Variants in AKAP19 observed in about 807,000 individuals in gnomAD.
AKAP19 encodes small A-kinase anchoring protein.
At chr2:190,132,700 G>A in the AKAP19 span, among the ~76,000 whole-genome samples, 4 of 151,960 alleles carry the variant, frequency 2.6e-5, no homozygotes, top group Non-Finnish European at 5.9e-5. Flanking sequence ...AACACAGGGG[G>A]AAAGCTCTAT....
At chr2:189,923,945 A>G in the AKAP19 span, 1 of 1,610,918 alleles carries the variant, frequency 6.2e-7, no homozygotes, top group East Asian at 2.2e-5. Context: ...CCTGGAAAAA[A>G]TTGAAAAGGA....
the AKAP19 span, among the ~76,000 whole-genome samples, chr2:189,935,732 A>G: frequency 2.0e-5 from 3 of 152,236 alleles, no homozygotes; most frequent in Middle Eastern, 0.01. Flanking sequence ...AAATCTTCAC[A>G]TTTCACATAC....
the AKAP19 span, among the ~76,000 whole-genome samples, chr2:189,907,848 A>G: frequency 2.0e-5 from 3 of 152,134 alleles, no homozygotes; most frequent in Non-Finnish European, 4.4e-5. Flanking sequence ...ACTTATTGGC[A>G]TACAATTGTT....
At chr2:189,974,136 T>C in the AKAP19 span, among the ~76,000 whole-genome samples, 1 of 152,202 alleles carries the variant, frequency 6.6e-6, no homozygotes, top group African/African-American at 2.4e-5. Flanking sequence ...AATTTCCCTC[T>C]ACACACTGCT....
the AKAP19 span, chr2:189,924,092 C>T: frequency 2.5e-6 from 4 of 1,570,764 alleles, no homozygotes; most frequent in Middle Eastern, 1.7e-4. Context: ...GGAGGGGGAC[C>T]TACTGGATGA....
At chr2:190,199,430 G>A in the AKAP19 span, among the ~76,000 whole-genome samples, 1 of 144,376 alleles carries the variant, frequency 6.9e-6, no homozygotes, top group Non-Finnish European at 1.5e-5. Flanking sequence ...GAATTGTTTT[G>A]GTATAGATAA....
chr2:189,923,732 C>T, the AKAP19 span: 15 of 1,613,694 alleles, frequency 9.3e-6, no homozygotes, highest in East Asian at 3.3e-4. Flanking sequence ...TGTACCTCCT[C>T]CTCCTCCTAT....
the AKAP19 span, among the ~76,000 whole-genome samples, chr2:190,192,120 T>C: frequency 1.3e-5 from 2 of 152,304 alleles, no homozygotes; most frequent in East Asian, 1.9e-4. Context: ...TTTGAGTTAA[T>C]TTTTCTATAA....
At chr2:189,923,377 G>T in the AKAP19 span, 1 of 1,612,714 alleles carries the variant, frequency 6.2e-7, no homozygotes, top group Admixed American at 1.7e-5. Flanking sequence ...CTCGTTCCAT[G>T]AACTCCCGTG....
the AKAP19 span, among the ~76,000 whole-genome samples, chr2:190,068,662 C>T: frequency 2.6e-5 from 4 of 152,130 alleles, no homozygotes; most frequent in African/African-American, 9.7e-5. Context: ...ATAATTAAAC[C>T]ACTAAATGAA....
chr2:190,146,493 T>C, the AKAP19 span, among the ~76,000 whole-genome samples: 1 of 152,258 alleles, frequency 6.6e-6, no homozygotes, highest in Non-Finnish European at 1.5e-5. Flanking sequence ...GAATTATGAC[T>C]TATTTTCCTC....
At chr2:189,969,557 C>T in the AKAP19 span, among the ~76,000 whole-genome samples, 3 of 151,530 alleles carry the variant, frequency 2.0e-5, no homozygotes, top group Non-Finnish European at 2.9e-5. Context: ...GGTGAAACCC[C>T]GTCTCTACTA....
chr2:189,913,240 T>G, the AKAP19 span, among the ~76,000 whole-genome samples: 1 of 152,164 alleles, frequency 6.6e-6, no homozygotes. Context: ...TATTCTCCCT[T>G]ACCTTTTCCT....
At chr2:190,066,321 T>G in the AKAP19 span, among the ~76,000 whole-genome samples, 3 of 152,028 alleles carry the variant, frequency 2.0e-5, no homozygotes, top group Non-Finnish European at 4.4e-5. Flanking sequence ...CAAAAAAAAA[T>G]TACGGTTTTA....
the AKAP19 span, among the ~76,000 whole-genome samples, chr2:190,197,619 A>AC: frequency 3.9e-5 from 6 of 152,174 alleles, no homozygotes; most frequent in Non-Finnish European, 1.5e-5. This position sits in a 1 kb window ranked among gnomAD's most constrained non-coding sequence, Gnocchi z 4.0. Flanking sequence ...GCTGGGAGAT[A>AC]CCCCCAGGTA....
chr2:190,160,401 CAAAATGCCAAACCCAAATATTAGTCTCTT>C, the AKAP19 span, among the ~76,000 whole-genome samples: 1 of 152,046 alleles, frequency 6.6e-6, no homozygotes, highest in Non-Finnish European at 1.5e-5. Context: ...ATCCCTACTT[CAAAATGCCAAACCCAAATATTAGTCTCTT>C]GGCCTTTTGT....
the AKAP19 span, chr2:189,923,528 G>T: frequency 6.2e-7 from 1 of 1,613,900 alleles, no homozygotes; most frequent in Non-Finnish European, 8.5e-7. Flanking sequence ...AAATGCCCGG[G>T]CTGCTGTAGC....
At chr2:189,947,230 G>C in the AKAP19 span, among the ~76,000 whole-genome samples, 1 of 152,146 alleles carries the variant, frequency 6.6e-6, no homozygotes, top group African/African-American at 2.4e-5. Flanking sequence ...GTAACAGAAA[G>C]AAGATCAGTT....
chr2:190,090,831 GTACTAA>G, the AKAP19 span: 2 of 152,170 alleles, frequency 1.3e-5, no homozygotes, highest in African/African-American at 4.8e-5. Context: ...TCTTATCACA[GTACTAA>G]TACTTAGCGC....
Sources: allele counts gnomAD v4.1 joint callset (sites outside exome capture counted in the v4.1 genomes callset), GRCh38; gene constraint gnomAD v4.1.1; non-coding constraint Gnocchi (gnomAD v3.1); transcripts MANE v1.5; gene names NCBI Gene and HGNC (gene_info 2026-07-23, HGNC 2026-07-21).